The following TMEM87A variants were observed in gnomAD, a reference collection of about 807,000 sequenced individuals.
TMEM87A encodes the protein Golgi-pH regulating cation channel.
A neutral mutation model predicts 90.0 loss-of-function variants in TMEM87A; 50 were observed. The ratio of observed to expected loss-of-function variants is 0.56; its 90% CI spans 0.44 to 0.70. The LOEUF (loss-of-function observed/expected upper bound fraction) is 0.70, where lower values mean the gene tolerates loss of function less well. Ranked by LOEUF, TMEM87A falls within the 30% of genes least tolerant of loss-of-function variation. The pLI, the probability that TMEM87A is intolerant of heterozygous loss-of-function variation, is 0.00. For missense variants in TMEM87A, 577 were observed against 660.5 expected (o/e 0.87, Z 1.39); for synonymous variants, 226 against 226.7 (o/e 1.00, Z 0.03).
intron 3 of TMEM87A, 88 bp from the exon 4 acceptor site, chr15:42,264,291 G>A (rs2051355238): frequency 1.2e-6 from 1 of 805,314 alleles, no homozygotes; most frequent in Admixed American, 2.4e-5. Flanking sequence ...TTCACCTGCA[G>A]TACAGATACA....
At chr15:42,251,445 T>C (rs905551496) in intron 6 of TMEM87A, among the ~76,000 whole-genome samples, 3 of 152,196 alleles carry the variant, frequency 2.0e-5, no homozygotes, top group African/African-American at 7.2e-5. Flanking sequence ...GTCCTTTTTA[T>C]TGATGTTGAT....
chr15:42,226,427 T>G (rs1360882590), intron 15 of TMEM87A, among the ~76,000 whole-genome samples: 1 of 152,108 alleles, frequency 6.6e-6, no homozygotes, highest in Admixed American at 6.5e-5. Flanking sequence ...AACTTTGATA[T>G]GCACTGGAAA....
chr15:42,222,437 G>T (rs927318217), intron 15 of TMEM87A, among the ~76,000 whole-genome samples: 2 of 152,174 alleles, frequency 1.3e-5, no homozygotes, highest in Admixed American at 6.5e-5. Flanking sequence ...AGGCCCTCCA[G>T]ATACCACAGT....
chr15:42,261,305 T>C, intron 4 of TMEM87A, 56 bp from the exon 5 acceptor site: 11 of 1,492,196 alleles, frequency 7.4e-6, no homozygotes, highest in Non-Finnish European at 8.2e-6. Context: ...AGAAGAAAAG[T>C]GTAGCTCAAA....
At chr15:42,268,076 C>A (rs1161507377) in intron 2 of TMEM87A, 44 bp from the exon 3 acceptor site, 20 of 1,553,090 alleles carry the variant, frequency 1.3e-5, no homozygotes, top group South Asian at 3.4e-5. Context: ...AATTCCCCAA[C>A]AAAGCATTTT....
At chr15:42,220,878 G>A (rs1463068722) in intron 15 of TMEM87A, among the ~76,000 whole-genome samples, 5 of 152,056 alleles carry the variant, frequency 3.3e-5, no homozygotes, top group Admixed American at 6.5e-5. Flanking sequence ...TGCAAGCTCC[G>A]CCTCCCGGGT....
rs1045563387 is a variant in TMEM87A at position 42,211,244 on chromosome 15, G to A, written c.*464C>T. On this transcript the variant is annotated 3_prime_UTR_variant, in exon 20 of 20. Transcript: ENST00000389834. ...GCAAGATGTAACCTTGACTTCCCAG[G>A]AAAATGAAAGGTAGTTAACAATTTC... The A allele has an allele frequency of 2.0e-5, 3 of 152,532 alleles. No homozygotes were observed. The highest frequency in any genetic ancestry group is 7.3e-5 in the African/African-American group (3 of 41,328). 9.4% of individuals were successfully genotyped at this position (152,532 alleles called of 1,614,324 possible).
intron 19 of TMEM87A, among the ~76,000 whole-genome samples, chr15:42,214,526 C>T (rs1595701118): frequency 6.6e-6 from 1 of 152,158 alleles, no homozygotes; most frequent in African/African-American, 2.4e-5. Context: ...TAAAACTACA[C>T]ATACATGGTC....
In TMEM87A at chr15:42,244,711, C is replaced by T. The variant is rs143851716; in HGVS notation, c.505-544G>A. ...TATGTGGTAAGCAAGAGTCACTACC[C>T]CTCAAAGTCAAGGAAGACAAATTAA... On this transcript the variant is annotated intron_variant, in intron 6 of 19. Coordinates refer to ENST00000389834, the MANE Select transcript of TMEM87A (RefSeq NM_015497.5). Among the ~76,000 whole-genome samples, 10 of 145,374 alleles carry T rather than the reference C, an allele frequency of 6.9e-5. No homozygotes were observed. In the East Asian group the frequency reaches 2.0e-3, roughly 29 times the overall value.
intron 19 of TMEM87A, 45 bp from the exon 20 acceptor site, chr15:42,211,794 C>A: frequency 1.3e-6 from 2 of 1,549,930 alleles, no homozygotes; most frequent in South Asian, 1.1e-5. Flanking sequence ...TTAAAATGAT[C>A]TATATTCCAA....
chr15:42,269,170 G>C (rs2051463487), intron 2 of TMEM87A, among the ~76,000 whole-genome samples: 1 of 152,130 alleles, frequency 6.6e-6, no homozygotes, highest in Admixed American at 6.5e-5. Context: ...CTATATGACT[G>C]ATTAGCTGGA....
At chr15:42,244,196 TA>T in intron 6 of TMEM87A, 29 bp from the exon 7 acceptor site, 1 of 1,442,522 alleles carries the variant, frequency 6.9e-7, no homozygotes, top group Admixed American at 2.5e-5. Flanking sequence ...ATCACATCTA[TA>T]AATCTTAAGA....
intron 6 of TMEM87A, 78 bp from the exon 7 acceptor site, chr15:42,244,245 T>A: frequency 1.0e-6 from 1 of 990,888 alleles, no homozygotes; most frequent in African/African-American, 1.7e-5. Context: ...ATGCAAATTT[T>A]GCTCCAGAAT....
At position 42,215,019 on chromosome 15, in the gene TMEM87A, C is replaced by G. The variant is rs530570412; in HGVS notation, c.1626+2784G>C. 1.1e-3 allele frequency among the ~76,000 whole-genome samples: 161 copies of G among 152,314 alleles called. 1 individual carries two copies. Among genetic ancestry groups the G allele is most frequent in the African/African-American group, 3.7e-3 (155 of 41,558 alleles). The stretch of plus-strand genomic sequence containing the variant: ...CAATTTCATAGCTGTGTGAACTTCA[C>G]AGAATATACTTACACAAATCTAGAT... On this transcript the variant is annotated intron_variant, in intron 19 of 19. Coordinates refer to ENST00000389834, the MANE Select transcript of TMEM87A (RefSeq NM_015497.5).
chr15:42,233,442 G>C, intron 10 of TMEM87A, 136 bp from the exon 11 acceptor site: 2 of 617,990 alleles, frequency 3.2e-6, no homozygotes, highest in Non-Finnish European at 5.6e-6. Flanking sequence ...TCACCTAAGA[G>C]AAAAAAACTA....
chr15:42,253,088 A>T (rs1469076653), intron 6 of TMEM87A, among the ~76,000 whole-genome samples: 2 of 152,210 alleles, frequency 1.3e-5, no homozygotes, highest in African/African-American at 4.8e-5. Flanking sequence ...AAGATTTCTT[A>T]AACACCAGGA....
intron 6 of TMEM87A, among the ~76,000 whole-genome samples, chr15:42,256,307 A>T (rs2140971771): frequency 6.6e-6 from 1 of 151,602 alleles, no homozygotes; most frequent in East Asian, 2.0e-4. Context: ...CACCAAGCTA[A>T]TTTTTGCATT....
intron 7 of TMEM87A, among the ~76,000 whole-genome samples, chr15:42,240,046 G>A (rs1430929223): frequency 2.6e-5 from 4 of 152,126 alleles, no homozygotes; most frequent in Admixed American, 1.3e-4. Context: ...TTCTCTGGCT[G>A]CCCATCTGGA....
chr15:42,218,420 A>C, intron 17 of TMEM87A, 42 bp from the exon 18 acceptor site: 1 of 1,586,080 alleles, frequency 6.3e-7, no homozygotes, highest in East Asian at 2.2e-5. Flanking sequence ...AATGCACCAC[A>C]TAATACATCT....
Sources: allele counts gnomAD v4.1 joint callset (sites outside exome capture counted in the v4.1 genomes callset), GRCh38; gene constraint gnomAD v4.1.1; transcripts MANE v1.5; gene names NCBI Gene and HGNC (gene_info 2026-07-23, HGNC 2026-07-21).